Variants in IL31RA observed in about 807,000 individuals in gnomAD.
The protein encoded by IL31RA is interleukin-31 receptor subunit alpha.
IL31RA carries 66 observed loss-of-function variants against 83.7 expected under a neutral mutation model. That is an observed-to-expected ratio of 0.79 (90% CI 0.65 to 0.97). IL31RA has a LOEUF of 0.97. Among genes scored for constraint, IL31RA ranks in the 50% least tolerant of loss-of-function variants. The pLI, the probability that IL31RA is intolerant of heterozygous loss-of-function variation, is 0.00. For missense variants in IL31RA, 798 were observed against 919.4 expected (o/e 0.87, Z 1.71); for synonymous variants, 325 against 329.0 (o/e 0.99, Z 0.13).
chr5:55,875,600 T>C (rs980409985), intron 4 of IL31RA, among the ~76,000 whole-genome samples: 1 of 152,198 alleles, frequency 6.6e-6, no homozygotes, highest in Non-Finnish European at 1.5e-5. Flanking sequence ...TTCATGATGA[T>C]AGACCTGGAA....
Position 55,872,451 on chromosome 5 carries a change from GGTAA to G in IL31RA, c.454+3_454+6del. On this transcript the variant is annotated splice_donor_variant and splice_donor_region_variant and intron_variant, in intron 4 of 14. Transcript: ENST00000652347. LOFTEE classifies it high-confidence loss of function. ...GACATACTGGAGATTAGAGAACATAGGTAAGTGTTATTTGATACTCTTATATACT... is the reference window on the plus strand; with the variant it reads ...GACATACTGGAGATTAGAGAACATAGGTGTTATTTGATACTCTTATATACT... 1 of 1,585,004 alleles carries G rather than the reference GGTAA, an allele frequency of 6.3e-7. No individual in the cohort carries two copies. The highest frequency in any genetic ancestry group is 8.7e-7 in the Non-Finnish European group (1 of 1,154,502).
At chr5:55,904,986 G>C (rs1268991650) in intron 8 of IL31RA, among the ~76,000 whole-genome samples, 1 of 151,728 alleles carries the variant, frequency 6.6e-6, no homozygotes, top group Non-Finnish European at 1.5e-5. Flanking sequence ...GATCACTTGA[G>C]GTCAGAAGTT....
chr5:55,910,374 A>G (rs161705), intron 11 of IL31RA, among the ~76,000 whole-genome samples, 158 bp from the exon 12 acceptor site: 129,430 of 152,216 alleles, frequency 0.85, 55,414 homozygotes, highest in African/African-American at 0.96. Flanking sequence ...TGAGGTCCTT[A>G]ATCCATCTTG....
At chr5:55,907,534 G>A in intron 10 of IL31RA, 74 bp downstream of exon 10, 1 of 963,342 alleles carries the variant, frequency 1.0e-6, no homozygotes, top group Non-Finnish European at 1.7e-6. Context: ...GGCTGCAAGT[G>A]CCTGTAGCTC....
intron 12 of IL31RA, among the ~76,000 whole-genome samples, chr5:55,910,989 C>T (rs933346007): frequency 1.3e-5 from 2 of 152,208 alleles, no homozygotes; most frequent in East Asian, 1.9e-4. Context: ...GCTCCCATCT[C>T]AAGGCTGTCT....
chr5:55,890,221 G>T (rs1747902573), intron 6 of IL31RA, 86 bp downstream of exon 6: 1 of 1,381,002 alleles, frequency 7.2e-7, no homozygotes, highest in Admixed American at 1.8e-5. Context: ...TCACCACCTG[G>T]TTGGGAATCA....
intron 9 of IL31RA, 144 bp downstream of exon 9, chr5:55,906,432 C>T (rs974645305): frequency 3.8e-5 from 31 of 820,814 alleles, no homozygotes; most frequent in Admixed American, 1.2e-4. Context: ...TGAAGTGACA[C>T]GCTTCTTGGT....
chr5:55,886,270 T>TGCTC (rs779156916), intron 5 of IL31RA, among the ~76,000 whole-genome samples: 5 of 36,908 alleles, frequency 1.4e-4, no homozygotes, highest in African/African-American at 7.7e-4. Context: ...CTTGCTTGCT[T>TGCTC]TTTTTTTTTT....
chr5:55,914,705 C>T (rs1050703149), intron 13 of IL31RA, 142 bp from the exon 14 acceptor site: 1 of 724,358 alleles, frequency 1.4e-6, no homozygotes, highest in African/African-American at 1.7e-5. Flanking sequence ...TCCACTTTCC[C>T]AGGTTCTATT....
chr5:55,853,570 G>A (rs181973862), intron 1 of IL31RA: 2 of 1,550,942 alleles, frequency 1.3e-6, no homozygotes, highest in Non-Finnish European at 1.7e-6. Context: ...ACATGAAGGT[G>A]AGTGCTAATT....
intron 1 of IL31RA, among the ~76,000 whole-genome samples, chr5:55,854,204 C>T (rs1745223276): frequency 6.6e-6 from 1 of 152,086 alleles, no homozygotes; most frequent in African/African-American, 2.4e-5. Flanking sequence ...TACTGGCTGT[C>T]TCAGAATGTT....
At chr5:55,887,133 A>G (rs1747668029) in intron 5 of IL31RA, among the ~76,000 whole-genome samples, 1 of 152,252 alleles carries the variant, frequency 6.6e-6, no homozygotes, top group Non-Finnish European at 1.5e-5. Context: ...GTATGATATT[A>G]TGAGTAACAA....
chr5:55,895,235 G>A (rs950973196), intron 6 of IL31RA, among the ~76,000 whole-genome samples: 1 of 152,094 alleles, frequency 6.6e-6, no homozygotes, highest in Admixed American at 6.5e-5. Context: ...TCTCCAAATC[G>A]TGGGCCGCTA....
intron 2 of IL31RA, among the ~76,000 whole-genome samples, chr5:55,864,087 A>G (rs1052446533): frequency 2.6e-5 from 4 of 152,188 alleles, no homozygotes; most frequent in African/African-American, 4.8e-5. Context: ...CGTAATGAGA[A>G]TAATATAAGA....
intron 4 of IL31RA, among the ~76,000 whole-genome samples, chr5:55,873,274 A>G (rs531411289): frequency 6.6e-6 from 1 of 152,232 alleles, no homozygotes; most frequent in South Asian, 2.1e-4. Flanking sequence ...ATTCCACTGG[A>G]TGTATATACC....
At position 55,916,764 on chromosome 5, in the gene IL31RA, G is replaced by A. The variant is rs769172419; in HGVS notation, c.1939G>A (p.Val647Ile). The change falls in exon 15 of 15, where the codon GTT becomes ATT. Residue 647 changes from valine to isoleucine, a missense_variant. Val to Ile is a conservative substitution (Grantham distance 29). Coordinates refer to ENST00000652347, the MANE Select transcript of IL31RA (RefSeq NM_139017.7). ...IDKLVVNFGN[V>I]LQEIFTDEAR... ...CAAGTTGGTGGTGAACTTTGGGAAT[G>A]TTCTGCAAGAAATTTTCACAGATGA... The A allele has an allele frequency of 8.7e-6, 14 of 1,614,094 alleles. No individual in the cohort carries two copies. The Admixed American group carries it at 2.0e-4, about 23-fold the overall frequency.
chr5:55,867,180 C>T (rs1480133699), intron 2 of IL31RA, among the ~76,000 whole-genome samples: 10 of 23,664 alleles, frequency 4.2e-4, no homozygotes, highest in Admixed American at 2.8e-3. Context: ...TGTGTGTGTG[C>T]ATGTGTGTTT....
chr5:55,881,535 G>C (rs1007163416), intron 4 of IL31RA, among the ~76,000 whole-genome samples: 2 of 151,758 alleles, frequency 1.3e-5, no homozygotes, highest in East Asian at 1.9e-4. Flanking sequence ...CCACTTGCAC[G>C]GCGGCCTGCT....
intron 12 of IL31RA, among the ~76,000 whole-genome samples, chr5:55,912,933 C>T (rs1749582186): frequency 6.6e-6 from 1 of 152,052 alleles, no homozygotes; most frequent in Non-Finnish European, 1.5e-5. Flanking sequence ...TGCCAGTGCA[C>T]TCCAGCCTGG....
Sources: gnomAD v4.1 joint callset for allele counts (sites outside exome capture counted in the v4.1 genomes callset) on GRCh38, gnomAD v4.1.1 for gene constraint, MANE v1.5 for transcripts, NCBI Gene and HGNC (gene_info 2026-07-23, HGNC 2026-07-21) for gene names.